The following NCL variants were observed in gnomAD, a reference collection of about 807,000 sequenced individuals.
The protein encoded by NCL is nucleolin multifunctional protein.
Under a neutral mutation model 77.7 loss-of-function variants are expected in NCL, and 4 were observed. That is an observed-to-expected ratio of 0.05 (90% CI 0.03 to 0.12). NCL has a LOEUF of 0.12. Ranked by LOEUF, NCL falls within the 10% of genes least tolerant of loss-of-function variation. The probability of loss-of-function intolerance (pLI) is 1.00; values close to 1 mark genes in which losing one functional copy is unlikely to be tolerated. For missense variants in NCL, 763 were observed against 860.9 expected, an observed-to-expected ratio of 0.89 and a Z score of 1.42; for synonymous variants, 344 against 297.8, an observed-to-expected ratio of 1.16 and a Z score of -1.60.
intron 12 of NCL, 136 bp from the exon 13 acceptor site, chr2:231,455,760 T>G (rs915949999): frequency 8.3e-7 from 1 of 1,206,626 alleles, no homozygotes; most frequent in Non-Finnish European, 1.2e-6. Context: ...ACAGAGTAGC[T>G]CTCTATGGAA....
At position 231,460,045 on chromosome 2, in the gene NCL, T is replaced by C. The variant is rs137935172; in HGVS notation, c.1040+107A>G. 1.4e-4 allele frequency: 174 copies of C among 1,243,768 alleles called. No homozygotes were observed. In the African/African-American group the frequency reaches 2.4e-3, roughly 17 times the overall value. The allele number at this position is 1,243,768 out of a possible 1,614,324, so 77.0% of individuals were successfully genotyped here. A position where few individuals can be genotyped will look rare whatever the true frequency, so the allele number is the denominator to read the frequency against. On this transcript the variant is annotated intron_variant, in intron 6 of 13. Coordinates refer to ENST00000322723, the MANE Select transcript of NCL (RefSeq NM_005381.3). ...TCACTAATGCTAATCCTTGAAGATG[T>C]TTACAGTATTCATGTTTAACAGTAG...
intron 1 of NCL, chr2:231,464,071 C>T (rs2046977355): frequency 7.5e-7 from 1 of 1,324,956 alleles, no homozygotes; most frequent in East Asian, 2.9e-5. Flanking sequence ...CATCTCTCCA[C>T]CCCGAGGCCC....
intron 12 of NCL, 186 bp from the exon 13 acceptor site, chr2:231,455,810 C>T (rs771835751): frequency 2.0e-5 from 23 of 1,154,682 alleles, no homozygotes; most frequent in Non-Finnish European, 2.9e-5. Flanking sequence ...GAATGTCTCA[C>T]AATACAGCTA....
chr2:231,456,373 AC>A, intron 11 of NCL: 1 of 897,288 alleles, frequency 1.1e-6, no homozygotes, highest in Non-Finnish European at 1.8e-6. Flanking sequence ...GGGAGAAGCA[AC>A]CCAAGCAGGT....
chr2:231,460,489 T>G lies in NCL; in HGVS notation c.887A>C (p.Gln296Pro). Reference protein sequence around the residue: ...KQKAAPEAKKQKVEGTEPTTA... With the variant: ...KQKAAPEAKKPKVEGTEPTTA... ...ATTCTGCAAGTTACCTTCCACTTTC[T>G]GTTTCTTGGCTTCAGGAGCTGCTTT... The change falls in exon 5 of 14, where the codon CAG (glutamine) becomes CCG (proline). Residue 296 changes from glutamine (Q) to proline (P), a missense_variant. Around this residue, in one of 2 missense-constraint regions of NCL, gnomAD observed 590 missense variants for 570.5 expected, o/e 1.03. Transcript: ENST00000322723. 6.2e-7 allele frequency: 1 copy of G among 1,614,192 alleles called. No homozygotes were observed. Among genetic ancestry groups the G allele is most frequent in the Non-Finnish European group, 8.5e-7 (1 of 1,179,996 alleles).
At chr2:231,458,479 C>G in intron 7 of NCL, 90 bp from the exon 8 acceptor site, 1 of 1,442,544 alleles carries the variant, frequency 6.9e-7, no homozygotes, top group Non-Finnish European at 9.4e-7. Flanking sequence ...ACACATAGCT[C>G]TATTCAACAA....
intron 3 of NCL, 73 bp downstream of exon 3, chr2:231,461,467 G>A: frequency 3.9e-6 from 6 of 1,555,200 alleles, no homozygotes; most frequent in Non-Finnish European, 5.2e-6. Context: ...TGTCGTGGAA[G>A]GAATATGTTG....
Position 231,459,088 on chromosome 2 carries a change from G to C in NCL, c.1078C>G (p.Leu360Val). The C allele has an allele frequency of 6.3e-7, 1 of 1,595,802 alleles. No individual in the cohort carries two copies. Among genetic ancestry groups the C allele is most frequent in the Non-Finnish European group, 8.5e-7 (1 of 1,173,978 alleles). The change falls in exon 7 of 14, where the codon CTG (leucine) becomes GTG (valine). Residue 360 changes from leucine to valine, a missense_variant. This residue lies in a region of NCL where 590 missense variants were observed against 570.5 expected (regional missense o/e 1.03). Transcript: ENST00000322723. The part of the protein sequence containing the change: ...GYVDFESAED[L>V]EKALELTGLK... ...CCAGTGAGTTCCAACGCTTTCTCCA[G>C]GTCTTCAGCAGATTCAAAATCCACA...
intron 3 of NCL, among the ~76,000 whole-genome samples, chr2:231,461,137 G>T (rs1167540366): frequency 6.6e-6 from 1 of 151,990 alleles, no homozygotes; most frequent in Non-Finnish European, 1.5e-5. Context: ...AAATTAGTAG[G>T]GTGTGGTGGT....
rs1472262705 is a variant in NCL at position 231,457,790 on chromosome 2, T to C, written c.1300A>G (p.Ile434Val). 3 of 1,606,930 alleles carry C rather than the reference T, an allele frequency of 1.9e-6. No homozygotes were observed. The highest frequency in any genetic ancestry group is 2.6e-6 in the Non-Finnish European group (3 of 1,176,434). Residue 434 changes from isoleucine to valine, a missense_variant, in exon 9 of 14, where the codon ATT (isoleucine) becomes GTT (valine). Coordinates refer to ENST00000322723, the MANE Select transcript of NCL (RefSeq NM_005381.3). ...GCATCAGCTTCTGTCTTAAATTCAA[T>C]ATAAGCAATCCTGCAATGGAGGGAG... ...KDGKSKGIAY[I>V]EFKTEADAEK...
At position 231,454,415 on chromosome 2, in the gene NCL, G is replaced by T. The variant is rs529887737; in HGVS notation, c.*776C>A. 6.6e-6 allele frequency: 1 copy of T among 152,316 alleles called. No homozygotes were observed. The highest frequency in any genetic ancestry group is 2.4e-5 in the African/African-American group (1 of 41,442). The allele number at this position is 152,316 out of a possible 1,614,324, so 9.4% of individuals were successfully genotyped here. ...CCTGCCTCGGCCTCCCCAAGTGTTG[G>T]GATTACAGGAGTTAGCCACTGCTCT... On this transcript the variant is annotated 3_prime_UTR_variant, in exon 14 of 14. Coordinates refer to ENST00000322723, the MANE Select transcript of NCL (RefSeq NM_005381.3).
Position 231,457,107 on chromosome 2 carries a change from C to G in NCL, c.1465G>C (p.Val489Leu). The G allele has an allele frequency of 6.2e-7, 1 of 1,613,758 alleles. No homozygotes were observed. Among genetic ancestry groups the G allele is most frequent in the Admixed American group, 1.7e-5 (1 of 59,948 alleles). ...GCACTGTAGGAGAGGTTGCTTAAAACCAGAGTTTTTGATTCACCTGCAAAT... is the reference window on the plus strand; with the variant it reads ...GCACTGTAGGAGAGGTTGCTTAAAAGCAGAGTTTTTGATTCACCTGCAAAT... Reference protein sequence around the residue: ...STWSGESKTLVLSNLSYSATE... With the variant: ...STWSGESKTLLLSNLSYSATE... Residue 489 changes from valine (V) to leucine (L), a missense_variant, in exon 10 of 14, where the codon GTT becomes CTT. Around this residue, in one of 2 missense-constraint regions of NCL, gnomAD observed 173 missense variants for 290.4 expected, o/e 0.60. Coordinates refer to ENST00000322723, the MANE Select transcript of NCL (RefSeq NM_005381.3).
At position 231,459,157 on chromosome 2, in the gene NCL, C is replaced by T. The variant is rs767594192; in HGVS notation, c.1041-32G>A. ...GGTGGAGAGGAGGGCAAAATTACAA[C>T]AGGTGAAAACACAAATCAAAATCCA... On this transcript the variant is annotated intron_variant, in intron 6 of 13. Transcript: ENST00000322723. The T allele has an allele frequency of 7.3e-6, 11 of 1,512,672 alleles. No homozygotes were observed. The Admixed American group carries it at 7.3e-5, about 10-fold the overall frequency. 93.7% of individuals were successfully genotyped at this position (1,512,672 alleles called of 1,614,324 possible).
intron 11 of NCL, 198 bp from the exon 12 acceptor site, chr2:231,456,334 T>C (rs2046887569): frequency 3.5e-6 from 3 of 867,988 alleles, no homozygotes; most frequent in Admixed American, 2.0e-5. Context: ...GCATAGTTGA[T>C]ATCCTGCCCC....
rs199835549 is a variant in NCL at position 231,461,864 on chromosome 2, T to A, written c.289A>T (p.Thr97Ser). The A allele has an allele frequency of 1.5e-5, 25 of 1,614,088 alleles. No individual in the cohort carries two copies. The East Asian group carries it at 5.3e-4, about 35-fold the overall frequency. ...GTAACTGCTTTGGCTGGTGTAACTGTCTTCTTGGCAGGTGTTGCTGCTGCC... is the reference window on the plus strand; with the variant it reads ...GTAACTGCTTTGGCTGGTGTAACTGACTTCTTGGCAGGTGTTGCTGCTGCC... Reference protein sequence around the residue: ...KKAAATPAKKTVTPAKAVTTP... With the variant: ...KKAAATPAKKSVTPAKAVTTP... Residue 97 changes from threonine (T) to serine (S), a missense_variant, in exon 3 of 14, where the codon ACA (threonine) becomes TCA (serine). Thr to Ser is a moderately conservative substitution (Grantham distance 58, BLOSUM62 1). Coordinates refer to ENST00000322723, the MANE Select transcript of NCL (RefSeq NM_005381.3).
In NCL at chr2:231,455,110, G is replaced by A. The variant is rs1459098623; in HGVS notation, c.*81C>T. On this transcript the variant is annotated 3_prime_UTR_variant, in exon 14 of 14. Coordinates refer to ENST00000322723, the MANE Select transcript of NCL (RefSeq NM_005381.3). ...ATACTGTCTTGGAATGTCCTCAGAA[G>A]GCTCTGTCATTGATCAGGTAACAGT... 26 of 1,472,214 alleles carry A rather than the reference G, an allele frequency of 1.8e-5. No individual in the cohort carries two copies. Among genetic ancestry groups the A allele is most frequent in the Non-Finnish European group, 2.5e-5 (26 of 1,054,766 alleles). 91.2% of individuals were successfully genotyped at this position (1,472,214 alleles called of 1,614,324 possible).
chr2:231,456,966 A>G, intron 10 of NCL, 35 bp downstream of exon 10: 1 of 1,608,894 alleles, frequency 6.2e-7, no homozygotes, highest in South Asian at 1.1e-5. Context: ...AGACATATAT[A>G]GCCTATAACT....
At chr2:231,462,482 C>T in intron 2 of NCL, 1 of 471,350 alleles carries the variant, frequency 2.1e-6, no homozygotes, top group Non-Finnish European at 4.3e-6. Context: ...GGACCTGAGA[C>T]AAAAAATGAA....
intron 6 of NCL, 101 bp downstream of exon 6, chr2:231,460,050 AG>A (rs1270481814): frequency 7.9e-7 from 1 of 1,261,218 alleles, no homozygotes; most frequent in Non-Finnish European, 1.1e-6. Context: ...AGATGTTTAC[AG>A]TATTCATGTT....
Sources: allele counts gnomAD v4.1 joint callset (sites outside exome capture counted in the v4.1 genomes callset), GRCh38; gene constraint gnomAD v4.1.1; regional missense constraint gnomAD v4.1.1; transcripts MANE v1.5; gene names NCBI Gene and HGNC (gene_info 2026-07-23, HGNC 2026-07-21).